The following EPHA6 variants were observed in gnomAD, a reference collection of about 807,000 sequenced individuals.
EPHA6 encodes EPH receptor A6.
EPHA6 carries 50 observed loss-of-function variants against 112.0 expected under a neutral mutation model. The ratio of observed to expected loss-of-function variants is 0.45; its 90% CI spans 0.36 to 0.56. EPHA6 has a LOEUF of 0.56. Ranked by LOEUF, EPHA6 falls within the 20% of genes least tolerant of loss-of-function variation. The pLI is 0.00. For synonymous variants in EPHA6, 529 were observed against 490.7 expected (o/e 1.08, Z -1.03); for missense variants, 1,280 against 1,417.4 (o/e 0.90, Z 1.56).
chr3:97,263,471 G>A (rs914477180), intron 5 of EPHA6, among the ~76,000 whole-genome samples: 2 of 126,826 alleles, frequency 1.6e-5, no homozygotes, highest in Admixed American at 8.6e-5. Flanking sequence ...ACACACACCC[G>A]CTAGGCAAAT....
At chr3:97,247,543 A>G (rs1484988981) in intron 5 of EPHA6, among the ~76,000 whole-genome samples, 1 of 151,944 alleles carries the variant, frequency 6.6e-6, no homozygotes, top group Non-Finnish European at 1.5e-5. Flanking sequence ...ATGAATAGAA[A>G]GTGATTAGGT....
In EPHA6 at chr3:97,525,655, C is replaced by G. The variant is rs572766410; in HGVS notation, c.2201-6703C>G. ...AGATTTGACAAACTAAAATTTTCTCCTAATAGGTCTGCAGGTTGATGAGAT... is the reference window on the plus strand; with the variant it reads ...AGATTTGACAAACTAAAATTTTCTCGTAATAGGTCTGCAGGTTGATGAGAT... On this transcript the variant is annotated intron_variant, in intron 10 of 17. Transcript: ENST00000389672. 5.3e-5 allele frequency among the ~76,000 whole-genome samples: 8 copies of G among 152,236 alleles called. No individual in the cohort carries two copies. The South Asian group carries it at 1.7e-3, about 32-fold the overall frequency.
chr3:97,380,979 T>G (rs368772569), intron 5 of EPHA6, among the ~76,000 whole-genome samples: 3 of 152,104 alleles, frequency 2.0e-5, no homozygotes, highest in African/African-American at 7.2e-5. Context: ...GCTTTTTCTC[T>G]TAAATCTAGT....
intron 14 of EPHA6, among the ~76,000 whole-genome samples, chr3:97,650,182 C>T (rs1441657730): frequency 1.3e-5 from 2 of 152,042 alleles, no homozygotes; most frequent in African/African-American, 4.8e-5. Context: ...AAGTCTTCTC[C>T]AATAACTGTT....
chr3:97,058,992 G>C (rs988614930), intron 3 of EPHA6, among the ~76,000 whole-genome samples: 1 of 152,058 alleles, frequency 6.6e-6, no homozygotes, highest in Non-Finnish European at 1.5e-5. Flanking sequence ...TGGAGGAGTG[G>C]GGGGACGCAG....
intron 3 of EPHA6, among the ~76,000 whole-genome samples, chr3:97,202,198 G>A (rs1360214551): frequency 2.0e-5 from 3 of 151,914 alleles, no homozygotes; most frequent in South Asian, 2.1e-4. Flanking sequence ...TACTCAAAAG[G>A]TAGGCTCTCT....
intron 11 of EPHA6, among the ~76,000 whole-genome samples, chr3:97,553,537 G>T (rs1400035063): frequency 6.6e-6 from 1 of 150,960 alleles, no homozygotes; most frequent in Non-Finnish European, 1.5e-5. Flanking sequence ...ATGGCTGCAG[G>T]AGAGAGAGAG....
At chr3:96,840,961 C>A (rs939507598) in intron 1 of EPHA6, among the ~76,000 whole-genome samples, 2 of 151,786 alleles carry the variant, frequency 1.3e-5, no homozygotes, top group African/African-American at 4.8e-5. Flanking sequence ...TTGTGAACCC[C>A]CAAAATCTGA....
At chr3:97,116,988 A>G (rs2047906554) in intron 3 of EPHA6, among the ~76,000 whole-genome samples, 1 of 151,750 alleles carries the variant, frequency 6.6e-6, no homozygotes, top group African/African-American at 2.4e-5. Context: ...CATCCTTGTC[A>G]ACACTTATCG....
chr3:97,127,794 A>G (rs1262077539), intron 3 of EPHA6, among the ~76,000 whole-genome samples: 2 of 151,558 alleles, frequency 1.3e-5, no homozygotes, highest in African/African-American at 2.4e-5. Context: ...TCATATTTGG[A>G]CATAGTGTAT....
chr3:97,689,525 G>A (rs754471985), intron 14 of EPHA6, among the ~76,000 whole-genome samples: 5 of 152,154 alleles, frequency 3.3e-5, no homozygotes, highest in East Asian at 3.9e-4. Flanking sequence ...CCTCTTTAGC[G>A]CTTCCTAGCT....
chr3:97,212,065 G>A (rs1576690647), intron 3 of EPHA6, among the ~76,000 whole-genome samples: 1 of 152,152 alleles, frequency 6.6e-6, no homozygotes, highest in East Asian at 1.9e-4. Context: ...AGCAAATTCA[G>A]TCTGACTTAA....
At chr3:97,632,908 A>G (rs1461213281) in intron 13 of EPHA6, among the ~76,000 whole-genome samples, 1 of 152,062 alleles carries the variant, frequency 6.6e-6, no homozygotes, top group Non-Finnish European at 1.5e-5. Flanking sequence ...ATTTTGTTAG[A>G]AAGTAATGTG....
At chr3:97,551,991 T>C (rs888769635) in intron 11 of EPHA6, among the ~76,000 whole-genome samples, 1 of 152,148 alleles carries the variant, frequency 6.6e-6, no homozygotes, top group South Asian at 2.1e-4. Flanking sequence ...GATATATAAT[T>C]AATATAATTA....
At position 97,128,153 on chromosome 3, in the gene EPHA6, C is replaced by T. The variant is rs541921120; in HGVS notation, c.1115-98111C>T. 3.3e-5 allele frequency among the ~76,000 whole-genome samples: 5 copies of T among 152,264 alleles called. No homozygotes were observed. In the East Asian group the frequency reaches 9.7e-4, roughly 29 times the overall value. On this transcript the variant is annotated intron_variant, in intron 3 of 17. Coordinates refer to ENST00000389672, the MANE Select transcript of EPHA6 (RefSeq NM_001080448.3). Reference sequence around the variant, plus strand: ...GAGTTACTTCACTTAAAATAATGCTCTCCAGTACCACCCAAGTTGCTGCAA... The same window carrying T: ...GAGTTACTTCACTTAAAATAATGCTTTCCAGTACCACCCAAGTTGCTGCAA...
chr3:97,270,638 T>A (rs2079846723), intron 5 of EPHA6, among the ~76,000 whole-genome samples: 1 of 152,220 alleles, frequency 6.6e-6, no homozygotes, highest in Non-Finnish European at 1.5e-5. Flanking sequence ...AATTAGGCCA[T>A]CTTGCCACAG....
At chr3:97,437,660 T>G (rs2089920700) in intron 6 of EPHA6, among the ~76,000 whole-genome samples, 1 of 151,938 alleles carries the variant, frequency 6.6e-6, no homozygotes, top group Non-Finnish European at 1.5e-5. Context: ...AATACTCAAT[T>G]TTTTGGTTGT....
At chr3:97,615,223 T>C (rs2093755371) in intron 13 of EPHA6, among the ~76,000 whole-genome samples, 1 of 152,126 alleles carries the variant, frequency 6.6e-6, no homozygotes, top group Non-Finnish European at 1.5e-5. Context: ...ACTTCTCCCA[T>C]GGATTTTTGC....
In EPHA6 at chr3:97,757,773, T is replaced by G. The variant is rs1303987727; in HGVS notation, c.*9072T>G. 6.6e-6 allele frequency among the ~76,000 whole-genome samples: 1 copy of G among 151,870 alleles called. No homozygotes were observed. The highest frequency in any genetic ancestry group is 6.6e-5 in the Admixed American group (1 of 15,250). On this transcript the variant is annotated 3_prime_UTR_variant, in exon 18 of 18. Transcript: ENST00000389672. ...ATGTTTTGATCTCTAAATGCTTACATTCTTTCAAGAAGATTGCCTTCTCTT... is the reference window on the plus strand; with the variant it reads ...ATGTTTTGATCTCTAAATGCTTACAGTCTTTCAAGAAGATTGCCTTCTCTT...
Sources: gnomAD v4.1 joint callset for allele counts (sites outside exome capture counted in the v4.1 genomes callset) on GRCh38, gnomAD v4.1.1 for gene constraint, MANE v1.5 for transcripts, NCBI Gene and HGNC (gene_info 2026-07-23, HGNC 2026-07-21) for gene names.